SPEN: variants seen among roughly 807,000 people sequenced by gnomAD.
SPEN encodes spen family transcriptional repressor.
A neutral mutation model predicts 269.9 loss-of-function variants in SPEN; 18 were observed. The observed-to-expected ratio is 0.07, with a 90% CI of 0.05 to 0.10. The LOEUF is 0.10. Ranked by LOEUF, SPEN falls within the 10% of genes least tolerant of loss-of-function variation. SPEN has a pLI of 1.00. For synonymous variants in SPEN, 1,726 were observed against 1,765.7 expected (o/e 0.98, Z 0.56); for missense variants, 3,822 against 4,631.2 (o/e 0.83, Z 5.07).
In SPEN at chr1:15,932,803, C is replaced by A. The variant is rs370896640; in HGVS notation, c.6563C>A (p.Ala2188Asp). The A allele has an allele frequency of 1.2e-6, 2 of 1,614,102 alleles. No homozygotes were observed. The highest frequency in any genetic ancestry group is 1.7e-5 in the Admixed American group (1 of 60,010). The change falls in exon 11 of 15, where the codon GCT (alanine) becomes GAT (aspartate). Residue 2188 changes from alanine (A) to aspartate (D), a missense_variant. This residue lies in a region of SPEN where 727 missense variants were observed against 737.9 expected (regional missense o/e 0.99). Coordinates refer to ENST00000375759, the MANE Select transcript of SPEN (RefSeq NM_015001.3). The surrounding 1 kb of genome is among the most constrained non-coding windows in gnomAD (Gnocchi z 4.2). ...AAGCTCGCTGAGGCCTCTGCCTCTG[C>A]TGCCTATAAGGCAGATGCACCAGAG... ...IAKLAEASASAAYKADAPEGL... is the reference protein window; with the variant it reads ...IAKLAEASASDAYKADAPEGL...
Position 15,934,762 on chromosome 1 carries a change from G to A in SPEN, c.8522G>A (p.Ser2841Asn). ...AAGATCAGCCAGATCCCCCCGGCCA[G>A]TGCAATGGACATTGAATTTCAGCAG... Reference protein sequence around the residue: ...SAKISQIPPASAMDIEFQQSV... With the variant: ...SAKISQIPPANAMDIEFQQSV... Residue 2841 changes from serine to asparagine, a missense_variant, in exon 11 of 15, where the codon AGT becomes AAT. Physicochemically the swap from Ser to Asn is conservative, Grantham distance 46. Coordinates refer to ENST00000375759, the MANE Select transcript of SPEN (RefSeq NM_015001.3). This position sits in a 1 kb window ranked among gnomAD's most constrained non-coding sequence, Gnocchi z 9.2. 4 of 1,614,194 alleles carry A rather than the reference G, an allele frequency of 2.5e-6. No individual in the cohort carries two copies. The highest frequency in any genetic ancestry group is 3.4e-6 in the Non-Finnish European group (4 of 1,180,034).
chr1:15,936,186 C>G lies in SPEN; in HGVS notation c.9946C>G (p.Pro3316Ala). 6.3e-7 allele frequency: 1 copy of G among 1,595,794 alleles called. No individual in the cohort carries two copies. The change falls in exon 11 of 15, where the codon CCC (proline) becomes GCC (alanine). Residue 3316 changes from proline (P) to alanine (A), a missense_variant. By Grantham distance (27) the Pro-to-Ala change is conservative (BLOSUM62 -1). Coordinates refer to ENST00000375759, the MANE Select transcript of SPEN (RefSeq NM_015001.3). Reference protein sequence around the residue: ...YRYGDIRTYHPPAQLTHTQFP... With the variant: ...YRYGDIRTYHAPAQLTHTQFP... ...GTACGGCGACATCCGCACCTACCAC[C>G]CCCCGGCCCAGCTCACACACACTCA...
chr1:15,931,422 C>A lies in SPEN; in HGVS notation c.5182C>A (p.Pro1728Thr). 6.2e-7 allele frequency: 1 copy of A among 1,614,162 alleles called. No individual in the cohort carries two copies. The highest frequency in any genetic ancestry group is 1.6e-4 in the Middle Eastern group (1 of 6,062). ...TGAGGAAGGTTCATCAGGTGACCAG[C>A]CGCCTTATCTGGATGCCAAGCCTCC... Reference protein sequence around the residue: ...GVEEGSSGDQPPYLDAKPPTP... With the variant: ...GVEEGSSGDQTPYLDAKPPTP... Residue 1728 changes from proline to threonine, a missense_variant, in exon 11 of 15, where the codon CCG (proline) becomes ACG (threonine). By Grantham distance (38) the Pro-to-Thr change is conservative. Coordinates refer to ENST00000375759, the MANE Select transcript of SPEN (RefSeq NM_015001.3). This position sits in a 1 kb window ranked among gnomAD's most constrained non-coding sequence, Gnocchi z 4.8.
At position 15,935,300 on chromosome 1, in the gene SPEN, G is replaced by A; in HGVS notation, c.9060G>A (p.Lys3020=). 1.2e-6 allele frequency: 2 copies of A among 1,614,108 alleles called. No individual in the cohort carries two copies. The highest frequency in any genetic ancestry group is 1.7e-6 in the Non-Finnish European group (2 of 1,180,016). ...CTGTCTCCCATTTGGCAGCTGCAAA[G>A]CTAGATGCTCATTCTCCTCGACCAA... ...DRTVSHLAAA[K]LDAHSPRPSG... is the part of the protein sequence containing the mutation. Residue 3020 remains lysine, a synonymous_variant, in exon 11 of 15, where the codon AAG becomes AAA. Coordinates refer to ENST00000375759, the MANE Select transcript of SPEN (RefSeq NM_015001.3). The surrounding 1 kb of genome is among the most constrained non-coding windows in gnomAD (Gnocchi z 7.7).
chr1:15,910,831 A>G (rs1379258315), intron 4 of SPEN, among the ~76,000 whole-genome samples: 1 of 152,190 alleles, frequency 6.6e-6, no homozygotes, highest in Non-Finnish European at 1.5e-5. Context: ...CCGTGTTTTT[A>G]GAGCTTTTTT....
Position 15,847,768 on chromosome 1 carries a change from G to T in SPEN, c.-300G>T. 1 of 182,922 alleles carries T rather than the reference G, an allele frequency of 5.5e-6. No homozygotes were observed. The allele number at this position is 182,922 out of a possible 1,614,324, so 11.3% of individuals were successfully genotyped here. A position where few individuals can be genotyped will look rare whatever the true frequency, so the allele number is the denominator to read the frequency against. On this transcript the variant is annotated 5_prime_UTR_variant, in exon 1 of 15. Transcript: ENST00000375759. ...TCGTAGTCGCTGCCGCCCGTGTCCC[G>T]CTCGCCCCTCCTCCCGCTCCCCCGC...
Position 15,909,400 on chromosome 1 carries a change from C to A in SPEN, c.961C>A (p.Gln321Lys), listed in dbSNP as rs2070991188. 1.2e-6 allele frequency: 2 copies of A among 1,614,058 alleles called. No homozygotes were observed. Among genetic ancestry groups the A allele is most frequent in the Admixed American group, 1.7e-5 (1 of 59,990 alleles). ...QSAAVPAPTS[Q>K]LLSSLEKDEP... ...TGCAGCAGTCCCTGCACCCACTTCCCAGTTGCTTTCATCTCTGGAAAAAGA... is the reference window on the plus strand; with the variant it reads ...TGCAGCAGTCCCTGCACCCACTTCCAAGTTGCTTTCATCTCTGGAAAAAGA... The change falls in exon 4 of 15, where the codon CAG becomes AAG. Residue 321 changes from glutamine (Q) to lysine (K), a missense_variant. Gln to Lys is a moderately conservative substitution (Grantham distance 53, BLOSUM62 1). Coordinates refer to ENST00000375759, the MANE Select transcript of SPEN (RefSeq NM_015001.3).
At chr1:15,864,183 T>G (rs1188699933) in intron 1 of SPEN, among the ~76,000 whole-genome samples, 2 of 112,334 alleles carry the variant, frequency 1.8e-5, no homozygotes, top group Non-Finnish European at 3.9e-5. Flanking sequence ...TTTTTTTTTT[T>G]TTTGAAACAA....
chr1:15,897,329 C>G (rs2070852091), intron 3 of SPEN, among the ~76,000 whole-genome samples: 1 of 151,606 alleles, frequency 6.6e-6, no homozygotes, highest in South Asian at 2.1e-4. Flanking sequence ...GCTGGGACTA[C>G]AGGCGTACGC....
At chr1:15,851,758 G>C (rs2070338409) in intron 1 of SPEN, among the ~76,000 whole-genome samples, 1 of 152,114 alleles carries the variant, frequency 6.6e-6, no homozygotes, top group African/African-American at 2.4e-5. Context: ...GCCGAGGCGG[G>C]CGGGTCACGA....
At chr1:15,938,919 T>C (rs776434333) in intron 14 of SPEN, 43 bp downstream of exon 14, 2 of 1,599,074 alleles carry the variant, frequency 1.3e-6, no homozygotes, top group African/African-American at 2.7e-5. Flanking sequence ...CACCCACAGG[T>C]GGGGCTGATC....
intron 3 of SPEN, among the ~76,000 whole-genome samples, chr1:15,880,016 T>A (rs1019322407): frequency 3.9e-4 from 60 of 152,290 alleles, no homozygotes; most frequent in African/African-American, 1.3e-3. Flanking sequence ...AAATTTAAAT[T>A]ATTGCCAGTG....
rs556744111 is a variant in SPEN, at chr1:15,906,345, T to G, written c.882-2976T>G. ...CAGCTTATGATTTTATCTCAAGGCC[T>G]TTATCCTTAGTAGTTTGCACTGACA... On this transcript the variant is annotated intron_variant, in intron 3 of 14. Coordinates refer to ENST00000375759, the MANE Select transcript of SPEN (RefSeq NM_015001.3). 6.6e-5 allele frequency among the ~76,000 whole-genome samples: 10 copies of G among 152,274 alleles called. No homozygotes were observed. In the East Asian group the frequency reaches 1.9e-3, roughly 29 times the overall value.
chr1:15,902,449 T>G (rs1357720390), intron 3 of SPEN, among the ~76,000 whole-genome samples: 1 of 149,296 alleles, frequency 6.7e-6, no homozygotes, highest in Non-Finnish European at 1.5e-5. Flanking sequence ...ACTAGAAAGA[T>G]ACAATTTGGA....
rs2071234961 is a variant in SPEN at position 15,932,772 on chromosome 1, A to G, written c.6532A>G (p.Ile2178Val). 1 of 1,614,190 alleles carries G rather than the reference A, an allele frequency of 6.2e-7. No individual in the cohort carries two copies. Among genetic ancestry groups the G allele is most frequent in the Non-Finnish European group, 8.5e-7 (1 of 1,180,024 alleles). ...GGAGCTGGAGCAGGCCGTGGAACAC[A>G]TCGCAAAGCTCGCTGAGGCCTCTGC... ...QMELEQAVEH[I>V]AKLAEASASA... The change falls in exon 11 of 15, where the codon ATC (isoleucine) becomes GTC (valine). Residue 2178 changes from isoleucine to valine, a missense_variant. Physicochemically the swap from Ile to Val is conservative, Grantham distance 29. This residue lies in a region of SPEN where 727 missense variants were observed against 737.9 expected (regional missense o/e 0.99). Transcript: ENST00000375759. This position sits in a 1 kb window ranked among gnomAD's most constrained non-coding sequence, Gnocchi z 4.2.
intron 1 of SPEN, among the ~76,000 whole-genome samples, chr1:15,857,957 G>A (rs1266569654): frequency 1.3e-5 from 2 of 152,190 alleles, no homozygotes; most frequent in East Asian, 1.9e-4. Flanking sequence ...GTGAAATCCT[G>A]TGTCTATTAA....
Position 15,930,397 on chromosome 1 carries a change from G to T in SPEN, c.4157G>T (p.Gly1386Val), listed in dbSNP as rs2071209666. The change falls in exon 11 of 15, where the codon GGT (glycine) becomes GTT (valine). Residue 1386 changes from glycine (G) to valine (V), a missense_variant. By Grantham distance (109) the Gly-to-Val change is moderately radical. Coordinates refer to ENST00000375759, the MANE Select transcript of SPEN (RefSeq NM_015001.3). This position sits in a 1 kb window ranked among gnomAD's most constrained non-coding sequence, Gnocchi z 5.3. ...GEVPSDSDEDGEHKSHSPRAS... is the reference protein window; with the variant it reads ...GEVPSDSDEDVEHKSHSPRAS... ...GTGCCTTCTGATTCTGACGAAGATGGTGAACACAAATCCCACTCACCCAGA... is the reference window on the plus strand; with the variant it reads ...GTGCCTTCTGATTCTGACGAAGATGTTGAACACAAATCCCACTCACCCAGA... The T allele has an allele frequency of 6.2e-7, 1 of 1,613,764 alleles. No homozygotes were observed. Among genetic ancestry groups the T allele is most frequent in the Non-Finnish European group, 8.5e-7 (1 of 1,179,900 alleles).
Position 15,932,570 on chromosome 1 carries a change from G to A in SPEN, c.6330G>A (p.Gly2110=), listed in dbSNP as rs759990572. Reference sequence around the variant, plus strand: ...CCAGGGGGGCTGCAGCACAGGCAGGGGAGAGGGAATCTGGGGTGGTGGCAG... The same window carrying A: ...CCAGGGGGGCTGCAGCACAGGCAGGAGAGAGGGAATCTGGGGTGGTGGCAG... ...VSPRGAAAQA[G]ERESGVVAVS... The change falls in exon 11 of 15, where the codon GGG becomes GGA. Residue 2110 remains glycine (G), a synonymous_variant. Transcript: ENST00000375759. This position sits in a 1 kb window ranked among gnomAD's most constrained non-coding sequence, Gnocchi z 4.2. The A allele has an allele frequency of 6.2e-7, 1 of 1,602,204 alleles. No homozygotes were observed. Among genetic ancestry groups the A allele is most frequent in the Non-Finnish European group, 8.5e-7 (1 of 1,172,750 alleles).
At chr1:15,918,371 G>A (rs1446933037) in intron 6 of SPEN, among the ~76,000 whole-genome samples, 4 of 152,166 alleles carry the variant, frequency 2.6e-5, no homozygotes, top group Admixed American at 6.5e-5. Flanking sequence ...GGCATGTGCC[G>A]CCATGCCTGG....
Sources: allele counts gnomAD v4.1 joint callset (sites outside exome capture counted in the v4.1 genomes callset), GRCh38; gene constraint gnomAD v4.1.1; regional missense constraint gnomAD v4.1.1; non-coding constraint Gnocchi (gnomAD v3.1); transcripts MANE v1.5; gene names NCBI Gene and HGNC (gene_info 2026-07-23, HGNC 2026-07-21).